CSNK1G3: variants seen among roughly 807,000 people sequenced by gnomAD.
CSNK1G3 encodes casein kinase 1 gamma 3, also known as casein kinase I isoform gamma-3.
In CSNK1G3, 23 loss-of-function variants were observed where a neutral mutation model predicts 64.3. The observed-to-expected ratio is 0.36, with a 90% confidence interval of 0.26 to 0.51. The LOEUF (loss-of-function observed/expected upper bound fraction) is 0.51, where lower values mean the gene tolerates loss of function less well. Ranked by LOEUF, CSNK1G3 falls within the 20% of genes least tolerant of loss-of-function variation. The pLI, the probability that CSNK1G3 is intolerant of heterozygous loss-of-function variation, is 0.96. For synonymous variants in CSNK1G3, 158 were observed against 162.2 expected (o/e 0.97, Z 0.20); for missense variants, 357 against 510.5 (o/e 0.70, Z 2.90).
At chr5:123,587,786 C>T (rs142045254) in intron 6 of CSNK1G3, among the ~76,000 whole-genome samples, 3 of 152,222 alleles carry the variant, frequency 2.0e-5, no homozygotes, top group East Asian at 3.9e-4. Context: ...ACTCTTTTCC[C>T]CGTGGCCTGT....
intron 12 of CSNK1G3, 149 bp downstream of exon 13, chr5:123,605,511 TAG>T: frequency 1.1e-6 from 1 of 877,456 alleles, no homozygotes. Flanking sequence ...ATCATTAAGA[TAG>T]CTCTGAAAAG....
chr5:123,555,518 C>G (rs866978156), intron 3 of CSNK1G3, among the ~76,000 whole-genome samples: 15 of 152,252 alleles, frequency 9.9e-5, no homozygotes, highest in African/African-American at 3.1e-4. Context: ...AACCTGAGTT[C>G]AGAGAGCAGA....
At chr5:123,539,950 A>G (rs1781421500) in intron 1 of CSNK1G3, among the ~76,000 whole-genome samples, 1 of 152,098 alleles carries the variant, frequency 6.6e-6, no homozygotes, top group Admixed American at 6.5e-5. Context: ...TTTGTCCTTT[A>G]GTATTTATAG....
At chr5:123,609,893 G>A (rs937397561) in intron 12 of CSNK1G3, among the ~76,000 whole-genome samples, 2 of 80,676 alleles carry the variant, frequency 2.5e-5, no homozygotes, top group Non-Finnish European at 4.5e-5. Flanking sequence ...GATGAGATTT[G>A]AGAGGAAAAG....
intron 10 of CSNK1G3, among the ~76,000 whole-genome samples, chr5:123,602,961 A>G (rs1044806249): frequency 2.0e-5 from 3 of 152,124 alleles, no homozygotes; most frequent in Non-Finnish European, 2.9e-5. Context: ...TCACCATTTC[A>G]TACTTGAGAA....
intron 2 of CSNK1G3, among the ~76,000 whole-genome samples, chr5:123,547,044 T>C (rs1404849425): frequency 1.3e-5 from 2 of 152,132 alleles, no homozygotes; most frequent in South Asian, 2.1e-4. Flanking sequence ...GAGAAAACAT[T>C]ATTTACGTGT....
chr5:123,584,399 T>G (rs1790922810), intron 6 of CSNK1G3, among the ~76,000 whole-genome samples: 1 of 152,244 alleles, frequency 6.6e-6, no homozygotes, highest in African/African-American at 2.4e-5. Context: ...GTACTTTTTC[T>G]GTATCTGAGA....
intron 1 of CSNK1G3, among the ~76,000 whole-genome samples, 154 bp from the exon 2 acceptor site, chr5:123,545,263 G>A (rs1271160677): frequency 6.6e-6 from 1 of 152,084 alleles, no homozygotes; most frequent in Non-Finnish European, 1.5e-5. Flanking sequence ...TAAATAAAGG[G>A]TAGTGGTTAA....
At chr5:123,607,063 GTT>G (rs1372417629) in intron 12 of CSNK1G3, among the ~76,000 whole-genome samples, 1 of 152,124 alleles carries the variant, frequency 6.6e-6, no homozygotes, top group Non-Finnish European at 1.5e-5. Flanking sequence ...GTGGGTGTGT[GTT>G]TGGGTCCCTA....
At chr5:123,524,937 C>G (rs537394852) in intron 1 of CSNK1G3, among the ~76,000 whole-genome samples, 4 of 152,126 alleles carry the variant, frequency 2.6e-5, no homozygotes, top group South Asian at 2.1e-4. Flanking sequence ...AGCAAGATAC[C>G]AGGCACTCTC....
chr5:123,515,890 GAGTT>G (rs1401202464), intron 1 of CSNK1G3, among the ~76,000 whole-genome samples: 1 of 152,122 alleles, frequency 6.6e-6, no homozygotes, highest in Non-Finnish European at 1.5e-5. Context: ...CGACAACTCT[GAGTT>G]AGGTGGTGTA....
rs117999333 is a variant in CSNK1G3, at chr5:123,560,888, A to G, written c.289+3324A>G. On this transcript the variant is annotated intron_variant, in intron 4 of 12. Coordinates refer to ENST00000345990, the Ensembl canonical transcript of CSNK1G3. The stretch of plus-strand genomic sequence containing the variant: ...GATGATGAACAAATTTTGGAGATGG[A>G]TGGATGGTGGGGATGGTTATACAGT... Among the ~76,000 whole-genome samples the G allele has an allele frequency of 7.8e-4, 118 of 152,168 alleles. No homozygotes were observed. The East Asian group carries it at 0.015, about 19-fold the overall frequency.
intron 11 of CSNK1G3, 27 bp downstream of exon 12, chr5:123,604,857 T>G: frequency 1.3e-6 from 2 of 1,506,152 alleles, no homozygotes; most frequent in Non-Finnish European, 1.8e-6. Flanking sequence ...CTTGTTTTAG[T>G]AACTTTTTGT....
At chr5:123,559,331 A>C (rs545212865) in intron 4 of CSNK1G3, among the ~76,000 whole-genome samples, 1 of 152,310 alleles carries the variant, frequency 6.6e-6, no homozygotes, top group African/African-American at 2.4e-5. Context: ...TTTAGTTAGA[A>C]ATGAGTTAGT....
At chr5:123,588,900 A>T (rs1336134552) in intron 8 of CSNK1G3, among the ~76,000 whole-genome samples, 6 of 152,176 alleles carry the variant, frequency 3.9e-5, no homozygotes, top group African/African-American at 1.4e-4. Context: ...TAGTTTTCAA[A>T]TTAAACTTAA....
chr5:123,563,883 AATATG>A (rs1210850008), intron 4 of CSNK1G3, among the ~76,000 whole-genome samples: 2 of 152,086 alleles, frequency 1.3e-5, no homozygotes, highest in Non-Finnish European at 2.9e-5. Flanking sequence ...AAATAATGAA[AATATG>A]ATATGAGTGG....
Position 123,595,488 on chromosome 5 carries a change from T to C in CSNK1G3, c.1086+4074T>C, listed in dbSNP as rs1198941408. On this transcript the variant is annotated intron_variant, in intron 10 of 12. Coordinates refer to ENST00000345990, the Ensembl canonical transcript of CSNK1G3. ...AATGCTTAAATTAATAGAACATTTT[T>C]GTATTTTTTCCCATTCATTGACTTT... Among the ~76,000 whole-genome samples, 5 of 152,192 alleles carry C rather than the reference T, an allele frequency of 3.3e-5. No individual in the cohort carries two copies. The East Asian group carries it at 7.7e-4, about 23-fold the overall frequency.
chr5:123,546,857 C>G (rs202212483), intron 2 of CSNK1G3, among the ~76,000 whole-genome samples: 1 of 152,046 alleles, frequency 6.6e-6, no homozygotes, highest in East Asian at 1.9e-4. Context: ...TTGAATGAAG[C>G]AAGCCAATAA....
At chr5:123,613,485 G>GTA (rs1367678604) in intron 12 of CSNK1G3, among the ~76,000 whole-genome samples, 3 of 151,680 alleles carry the variant, frequency 2.0e-5, no homozygotes, top group Admixed American at 6.6e-5. Context: ...ATGTATGTGT[G>GTA]TATATATATA....
Sources: allele counts gnomAD v4.1 joint callset (sites outside exome capture counted in the v4.1 genomes callset), GRCh38; gene constraint gnomAD v4.1.1; transcripts MANE v1.5; gene names NCBI Gene and HGNC (gene_info 2026-07-23, HGNC 2026-07-21).